The following GULP1 variants were observed in gnomAD, a reference collection of about 807,000 sequenced individuals.
GULP1 encodes the protein PTB domain-containing engulfment adapter protein 1.
GULP1 carries 19 observed loss-of-function variants against 40.9 expected under a neutral mutation model. The observed-to-expected ratio is 0.46, with a 90% CI of 0.32 to 0.68. GULP1 has a LOEUF of 0.68. Ranked by LOEUF, GULP1 falls within the 30% of genes least tolerant of loss-of-function variation. The probability of loss-of-function intolerance (pLI) is 0.03; values close to 1 mark genes in which losing one functional copy is unlikely to be tolerated. For synonymous variants in GULP1, 119 were observed against 117.6 expected (o/e 1.01, Z -0.08); for missense variants, 312 against 362.2 (o/e 0.86, Z 1.12).
In GULP1 at chr2:188,359,493, G is replaced by A. The variant is rs570329896; in HGVS notation, c.-171-24270G>A. On this transcript the variant is annotated intron_variant, in intron 1 of 11. Transcript: ENST00000409830. ...TGGAAAGCTTTTCTCTGCTAGCATGGTATTGAATGTATTTCCTGTTATCAT... is the reference window on the plus strand; with the variant it reads ...TGGAAAGCTTTTCTCTGCTAGCATGATATTGAATGTATTTCCTGTTATCAT... Among the ~76,000 whole-genome samples, 20 of 152,156 alleles carry A rather than the reference G, an allele frequency of 1.3e-4. No homozygotes were observed. In the South Asian group the frequency reaches 3.5e-3, roughly 27 times the overall value.
intron 2 of GULP1, among the ~76,000 whole-genome samples, chr2:188,456,636 A>G (rs1035730525): frequency 2.6e-5 from 4 of 152,218 alleles, no homozygotes; most frequent in Non-Finnish European, 5.9e-5. Flanking sequence ...CTTTGCTAGG[A>G]CAGCGAGGAA....
At position 188,375,633 on chromosome 2, in the gene GULP1, C is replaced by G. The variant is rs563703558; in HGVS notation, c.-171-8130C>G. Among the ~76,000 whole-genome samples, 48 of 152,242 alleles carry G rather than the reference C, an allele frequency of 3.2e-4. No homozygotes were observed. The South Asian group carries it at 9.1e-3, about 29-fold the overall frequency. On this transcript the variant is annotated intron_variant, in intron 1 of 11. Coordinates refer to ENST00000409830, the MANE Select transcript of GULP1 (RefSeq NM_016315.4). Reference sequence around the variant, plus strand: ...ATAGTTTTACAGCTTTTAGGAGTAACAGGTAGTCTTAAAAATTAATAGTGG... The same window carrying G: ...ATAGTTTTACAGCTTTTAGGAGTAAGAGGTAGTCTTAAAAATTAATAGTGG...
rs1685942027 is a variant in GULP1 at position 188,525,524 on chromosome 2, A to G, written c.162+2697A>G. On this transcript the variant is annotated intron_variant, in intron 5 of 11. Coordinates refer to ENST00000409830, the MANE Select transcript of GULP1 (RefSeq NM_016315.4). ...AATTTTATTTTTAATAGTGATTTAT[A>G]TATATTTTATTAATACAACTAGTAC... Among the ~76,000 whole-genome samples, 3 of 152,326 alleles carry G rather than the reference A, an allele frequency of 2.0e-5. 1 individual carries two copies. Among genetic ancestry groups the G allele is most frequent in the Middle Eastern group, 6.8e-3 (2 of 294 alleles).
intron 6 of GULP1, among the ~76,000 whole-genome samples, chr2:188,536,916 A>G (rs1689084541): frequency 1.7e-5 from 1 of 57,626 alleles, no homozygotes; most frequent in Non-Finnish European, 3.5e-5. Flanking sequence ...TAGATGTATT[A>G]CTAGGTATTT....
chr2:188,574,966 A>G (rs1310171628), intron 9 of GULP1, among the ~76,000 whole-genome samples: 1 of 152,178 alleles, frequency 6.6e-6, no homozygotes, highest in East Asian at 1.9e-4. Flanking sequence ...GAGACACTCT[A>G]AGGGAAGGTT....
chr2:188,422,822 T>A (rs1434863149), intron 2 of GULP1, among the ~76,000 whole-genome samples: 1 of 152,126 alleles, frequency 6.6e-6, no homozygotes, highest in Non-Finnish European at 1.5e-5. Flanking sequence ...TAAAACTCTT[T>A]TTGCTTACTT....
At chr2:188,584,140 A>G (rs1360012863) in intron 9 of GULP1, 125 bp from the exon 10 acceptor site, 2 of 625,450 alleles carry the variant, frequency 3.2e-6, no homozygotes, top group South Asian at 3.7e-5. Flanking sequence ...TTGGTCTACA[A>G]AATGGCAAAT....
intron 11 of GULP1, chr2:188,591,090 T>A (rs903100305): frequency 1.3e-5 from 2 of 152,000 alleles, no homozygotes; most frequent in African/African-American, 2.4e-5. Context: ...TTAAAGCAAT[T>A]AGACAAATGG....
At chr2:188,534,328 TC>T (rs199812924) in intron 6 of GULP1, among the ~76,000 whole-genome samples, 5,927 of 152,142 alleles carry the variant, frequency 0.039, 256 homozygotes, top group African/African-American at 0.1. Flanking sequence ...TGAAATTGTG[TC>T]CTTTTGCAGC....
rs1686443232 is a variant in GULP1, at chr2:188,527,392, TA to T, written c.163-1704del. On this transcript the variant is annotated intron_variant, in intron 5 of 11. Transcript: ENST00000409830. ...GTTGCTTTATCCAGACGCATTCACA[TA>T]GGGGGAGAGCAGCTGACTTATTTTG... 2.0e-5 allele frequency among the ~76,000 whole-genome samples: 3 copies of T among 152,076 alleles called. No homozygotes were observed. In the South Asian group the frequency reaches 6.2e-4, roughly 32 times the overall value.
rs190798981 is a variant in GULP1 at position 188,498,416 on chromosome 2, A to T, written c.90+14924A>T. The stretch of plus-strand genomic sequence containing the variant: ...GTTAGAAATATCCAAGAAATAATTA[A>T]AAAGCCCAAAATATAGAGCATAGTC... On this transcript the variant is annotated intron_variant, in intron 4 of 11. Transcript: ENST00000409830. Among the ~76,000 whole-genome samples, 449 of 152,058 alleles carry T rather than the reference A, an allele frequency of 3.0e-3. 1 individual carries two copies. Among genetic ancestry groups the T allele is most frequent in the Non-Finnish European group, 5.2e-3 (351 of 67,906 alleles).
chr2:188,529,596 G>A (rs537815400), intron 6 of GULP1, among the ~76,000 whole-genome samples: 3 of 152,076 alleles, frequency 2.0e-5, no homozygotes, highest in Admixed American at 6.6e-5. Context: ...AGTTTTTTAC[G>A]GAGGCTGAAA....
intron 1 of GULP1, among the ~76,000 whole-genome samples, chr2:188,314,046 A>G (rs1370261304): frequency 6.6e-6 from 1 of 151,656 alleles, no homozygotes; most frequent in Non-Finnish European, 1.5e-5. Flanking sequence ...ACATAATAAG[A>G]CTCCATTCTT....
intron 2 of GULP1, among the ~76,000 whole-genome samples, chr2:188,427,562 A>G (rs2056363734): frequency 2.0e-5 from 3 of 152,202 alleles, no homozygotes; most frequent in Admixed American, 6.5e-5. Flanking sequence ...CCATGGCTCC[A>G]AGGGGCCCAA....
Position 188,570,458 on chromosome 2 carries a change from A to G in GULP1, c.609+338A>G, listed in dbSNP as rs116377792. On this transcript the variant is annotated intron_variant, in intron 9 of 11. Coordinates refer to ENST00000409830, the MANE Select transcript of GULP1 (RefSeq NM_016315.4). ...ACTATTTGCTGGGTTAGATTTAATG[A>G]CCTATGCCAGTCTCCCCTTGAAGTG... Among the ~76,000 whole-genome samples the G allele has an allele frequency of 5.3e-3, 803 of 152,216 alleles. 5 individuals carry two copies. The highest frequency in any genetic ancestry group is 0.018 in the African/African-American group (756 of 41,530).
chr2:188,553,282 A>T, intron 7 of GULP1, among the ~76,000 whole-genome samples: 1 of 151,966 alleles, frequency 6.6e-6, no homozygotes, highest in East Asian at 1.9e-4. Context: ...AAGGCTTTCA[A>T]CATTTCTTCC....
intron 4 of GULP1, among the ~76,000 whole-genome samples, chr2:188,484,306 T>C (rs2061680802): frequency 6.6e-6 from 1 of 152,190 alleles, no homozygotes; most frequent in Admixed American, 6.6e-5. Context: ...TAATCTACGC[T>C]CTGTGTCTTT....
rs116262205 is a variant in GULP1, at chr2:188,354,183, C to T, written c.-171-29580C>T. 4.2e-3 allele frequency among the ~76,000 whole-genome samples: 632 copies of T among 152,216 alleles called. 7 individuals are homozygous for T. Among genetic ancestry groups the T allele is most frequent in the African/African-American group, 0.015 (607 of 41,548 alleles). On this transcript the variant is annotated intron_variant, in intron 1 of 11. Transcript: ENST00000409830. ...GCCACTACACGTGGCTTCATAGAGC[C>T]TGGGATACTGCCAATTTTTACCATC...
chr2:188,477,779 T>C, intron 3 of GULP1, 49 bp downstream of exon 3: 3 of 1,385,940 alleles, frequency 2.2e-6, no homozygotes, highest in Non-Finnish European at 3.0e-6. Context: ...AATGTTGCTA[T>C]GAACATAAGC....
Sources: allele counts gnomAD v4.1 joint callset (sites outside exome capture counted in the v4.1 genomes callset), GRCh38; gene constraint gnomAD v4.1.1; transcripts MANE v1.5; gene names NCBI Gene and HGNC (gene_info 2026-07-23, HGNC 2026-07-21).